Variants in POLR3A observed in about 807,000 individuals in gnomAD.
POLR3A encodes the protein DNA-directed RNA polymerase III subunit RPC1.
A neutral mutation model predicts 152.8 loss-of-function variants in POLR3A; 112 were observed. The ratio of observed to expected loss-of-function variants is 0.73; its 90% CI spans 0.63 to 0.86. POLR3A has a LOEUF of 0.86. Ranked by LOEUF, POLR3A falls within the 40% of genes least tolerant of loss-of-function variation. The pLI, the probability that POLR3A is intolerant of heterozygous loss-of-function variation, is 0.00. For synonymous variants in POLR3A, 615 were observed against 652.1 expected (o/e 0.94, Z 0.87); for missense variants, 1,385 against 1,743.1 (o/e 0.79, Z 3.66).
At chr10:78,017,262 C>A (rs1589316244) in intron 10 of POLR3A, among the ~76,000 whole-genome samples, 2 of 151,684 alleles carry the variant, frequency 1.3e-5, no homozygotes, top group Non-Finnish European at 2.9e-5. Flanking sequence ...CCCGTCTCAA[C>A]CAAAAACCAA....
At chr10:77,995,573 C>T (rs1046725175) in intron 19 of POLR3A, among the ~76,000 whole-genome samples, 7 of 152,076 alleles carry the variant, frequency 4.6e-5, no homozygotes, top group Non-Finnish European at 1.0e-4. Context: ...AAGGCCATTA[C>T]ATAATGGTAA....
rs1847343181 is a variant in POLR3A at position 78,000,173 on chromosome 10, T to C, written c.2479-55A>G. On this transcript the variant is annotated intron_variant, in intron 18 of 30. Coordinates refer to ENST00000372371, the MANE Select transcript of POLR3A (RefSeq NM_007055.4). ...AACAAAAAAAGTTCAAGGCCCACGATTCTGAAATCCACTCAAATCAGAAAA... is the reference window on the plus strand; with the variant it reads ...AACAAAAAAAGTTCAAGGCCCACGACTCTGAAATCCACTCAAATCAGAAAA... 31 of 1,544,016 alleles carry C rather than the reference T, an allele frequency of 2.0e-5. No individual in the cohort carries two copies. The South Asian group carries it at 3.5e-4, about 18-fold the overall frequency.
chr10:77,997,186 C>T (rs1439009688), intron 19 of POLR3A, among the ~76,000 whole-genome samples: 1 of 152,116 alleles, frequency 6.6e-6, no homozygotes, highest in East Asian at 1.9e-4. Context: ...CTATCTATGA[C>T]AAACCCACAG....
chr10:78,019,522 C>A, intron 8 of POLR3A: 1 of 537,158 alleles, frequency 1.9e-6, no homozygotes, highest in Non-Finnish European at 3.4e-6. Flanking sequence ...TTGGTTTCCT[C>A]ACTGGTAAAA....
intron 19 of POLR3A, among the ~76,000 whole-genome samples, chr10:77,998,074 T>C (rs1410733968): frequency 6.6e-6 from 1 of 152,118 alleles, no homozygotes; most frequent in African/African-American, 2.4e-5. Flanking sequence ...ATTTAATAAA[T>C]GGTGCTGGGA....
intron 5 of POLR3A, among the ~76,000 whole-genome samples, chr10:78,024,107 T>A (rs561355128): frequency 5.8e-4 from 89 of 152,282 alleles, no homozygotes; most frequent in Admixed American, 1.0e-3. Context: ...CTCATACCTG[T>A]AATCTTAGCA....
chr10:78,024,370 C>CAAAAAA (rs59548771), intron 5 of POLR3A, among the ~76,000 whole-genome samples, 179 bp downstream of exon 5: 1 of 67,586 alleles, frequency 1.5e-5, no homozygotes, highest in African/African-American at 4.0e-5. Context: ...TCTTCCATCT[C>CAAAAAA]AAAAAAAAAA....
rs566782462 is a variant in POLR3A at position 78,011,612 on chromosome 10, C to T, written c.1573-1072G>A. On this transcript the variant is annotated intron_variant, in intron 11 of 30. Coordinates refer to ENST00000372371, the MANE Select transcript of POLR3A (RefSeq NM_007055.4). The stretch of plus-strand genomic sequence containing the variant: ...TAGCCAGATGTGCCTCTTCATTGCA[C>T]ACCACCTGACTGCTCTTACTCCTGG... Among the ~76,000 whole-genome samples, 13 of 152,304 alleles carry T rather than the reference C, an allele frequency of 8.5e-5. 1 individual carries two copies. The South Asian group carries it at 2.7e-3, about 32-fold the overall frequency.
intron 5 of POLR3A, 41 bp from the exon 6 acceptor site, chr10:78,022,425 A>G (rs376847572): frequency 1.4e-5 from 22 of 1,606,086 alleles, no homozygotes; most frequent in Non-Finnish European, 1.9e-5. Context: ...ATACTATGTT[A>G]GTTTTCCATA....
intron 28 of POLR3A, 64 bp from the exon 29 acceptor site, chr10:77,981,623 C>CT: frequency 6.4e-7 from 1 of 1,570,900 alleles, no homozygotes; most frequent in Admixed American, 1.7e-5. Flanking sequence ...ATTCTCTCCA[C>CT]TTTCTCCTCT....
At chr10:77,995,419 T>C (rs1847289927) in intron 19 of POLR3A, among the ~76,000 whole-genome samples, 1 of 152,078 alleles carries the variant, frequency 6.6e-6, no homozygotes, top group Admixed American at 6.6e-5. Context: ...GAAATGCATC[T>C]CACGTGCAGA....
At position 77,982,458 on chromosome 10, in the gene POLR3A, G is replaced by A; in HGVS notation, c.3595-140C>T. 3 of 956,268 alleles carry A rather than the reference G, an allele frequency of 3.1e-6. No homozygotes were observed. The South Asian group carries it at 4.0e-5, about 13-fold the overall frequency. 59.2% of individuals were successfully genotyped at this position (956,268 alleles called of 1,614,324 possible). A position where few individuals can be genotyped will look rare whatever the true frequency, so the allele number is the denominator to read the frequency against. ...TTAGGGATAAGGGAGAACAGAAGTT[G>A]TTCAGGGGACTGCACCTCATCCTAA... On this transcript the variant is annotated intron_variant, in intron 27 of 30. Coordinates refer to ENST00000372371, the MANE Select transcript of POLR3A (RefSeq NM_007055.4).
chr10:77,998,337 A>G (rs1847322474), intron 19 of POLR3A, among the ~76,000 whole-genome samples: 1 of 151,216 alleles, frequency 6.6e-6, no homozygotes, highest in Non-Finnish European at 1.5e-5. Context: ...TCTGCACAGC[A>G]AAAGAAACTA....
rs998361109 is a variant in POLR3A at position 77,985,114 on chromosome 10, T to A, written c.3242+56A>T. ...TATGCATGTGACACGGGGATCATTG[T>A]TTCTCAGGAAACAGGACAGGCATGT... is the stretch of plus-strand genomic sequence containing the variant. On this transcript the variant is annotated intron_variant, in intron 24 of 30. Transcript: ENST00000372371. The A allele has an allele frequency of 2.1e-6, 3 of 1,421,180 alleles. No individual in the cohort carries two copies. The African/African-American group carries it at 4.2e-5, about 20-fold the overall frequency. The allele number at this position is 1,421,180 out of a possible 1,614,324, so 88.0% of individuals were successfully genotyped here. A position where few individuals can be genotyped will look rare whatever the true frequency, so the allele number is the denominator to read the frequency against.
At chr10:78,009,056 G>A (rs1003637248) in intron 14 of POLR3A, among the ~76,000 whole-genome samples, 4 of 150,448 alleles carry the variant, frequency 2.7e-5, no homozygotes, top group Non-Finnish European at 5.9e-5. Context: ...AGGAGGCTGA[G>A]GCAGGAGAAT....
At chr10:77,979,079 C>A (rs1314908931) in intron 30 of POLR3A, among the ~76,000 whole-genome samples, 1 of 152,186 alleles carries the variant, frequency 6.6e-6, no homozygotes, top group African/African-American at 2.4e-5. Flanking sequence ...TCCCGAGTAG[C>A]TGGGACAATA....
chr10:78,009,306 T>C (rs1847441556), intron 14 of POLR3A, among the ~76,000 whole-genome samples: 1 of 151,784 alleles, frequency 6.6e-6, no homozygotes, highest in Admixed American at 6.6e-5. Context: ...GGAGAGAACA[T>C]TCTAACCACT....
At chr10:78,000,166 C>T in intron 18 of POLR3A, 48 bp from the exon 19 acceptor site, 2 of 1,580,914 alleles carry the variant, frequency 1.3e-6, no homozygotes, top group African/African-American at 2.7e-5. Flanking sequence ...AAGTTCAAGG[C>T]CCACGATTCT....
At chr10:78,006,218 G>A (rs1847409365) in intron 15 of POLR3A, among the ~76,000 whole-genome samples, 1 of 151,768 alleles carries the variant, frequency 6.6e-6, no homozygotes, top group Non-Finnish European at 1.5e-5. Context: ...CCAACATGGT[G>A]AAACCCCGTC....
Sources: gnomAD v4.1 joint callset for allele counts (sites outside exome capture counted in the v4.1 genomes callset) on GRCh38, gnomAD v4.1.1 for gene constraint, MANE v1.5 for transcripts, NCBI Gene and HGNC (gene_info 2026-07-23, HGNC 2026-07-21) for gene names.